KCND2: variants seen among roughly 807,000 people sequenced by gnomAD.
KCND2 encodes A-type voltage-gated potassium channel KCND2.
A neutral mutation model predicts 54.4 loss-of-function variants in KCND2; 16 were observed. The observed-to-expected ratio is 0.29, with a 90% CI of 0.20 to 0.45. The LOEUF (loss-of-function observed/expected upper bound fraction) is 0.45. Among genes scored for constraint, KCND2 ranks in the 20% least tolerant of loss-of-function variants. The pLI, the probability that KCND2 is intolerant of heterozygous loss-of-function variation, is 1.00. For missense variants in KCND2, 486 were observed against 824.2 expected, an observed-to-expected ratio of 0.59 and a Z score of 5.02; for synonymous variants, 317 against 310.7, an observed-to-expected ratio of 1.02 and a Z score of -0.21.
intron 1 of KCND2, among the ~76,000 whole-genome samples, chr7:120,331,536 A>G (rs1298715183): frequency 6.6e-6 from 1 of 152,046 alleles, no homozygotes; most frequent in African/African-American, 2.4e-5. Flanking sequence ...GAACTTGTGC[A>G]TGCATTATGT....
chr7:120,559,447 G>C (rs1248897123), intron 1 of KCND2, among the ~76,000 whole-genome samples: 1 of 152,168 alleles, frequency 6.6e-6, no homozygotes, highest in Non-Finnish European at 1.5e-5. Context: ...GCAGATGAGC[G>C]AAGCTTCTGA....
chr7:120,588,272 A>G (rs1584842198), intron 1 of KCND2, among the ~76,000 whole-genome samples: 2 of 152,296 alleles, frequency 1.3e-5, no homozygotes, highest in African/African-American at 2.4e-5. Context: ...TCTCATTTTA[A>G]CTGATATTTT....
chr7:120,475,989 C>G (rs1219576799), intron 1 of KCND2, among the ~76,000 whole-genome samples: 1 of 152,164 alleles, frequency 6.6e-6, no homozygotes, highest in East Asian at 1.9e-4. Context: ...TCATCATAAT[C>G]AATCCTTAAA....
chr7:120,713,557 G>T (rs1259069668), intron 1 of KCND2, among the ~76,000 whole-genome samples: 5 of 152,156 alleles, frequency 3.3e-5, no homozygotes, highest in Admixed American at 3.3e-4. Flanking sequence ...TCAGCAATCA[G>T]TAGCAGTAGG....
chr7:120,713,862 G>A (rs867357731), intron 1 of KCND2, among the ~76,000 whole-genome samples: 56 of 152,244 alleles, frequency 3.7e-4, no homozygotes, highest in Middle Eastern at 6.8e-3. Context: ...TGACATACTA[G>A]TCTTGTTTTG....
intron 1 of KCND2, among the ~76,000 whole-genome samples, chr7:120,658,027 A>C (rs1227139493): frequency 2.0e-5 from 3 of 152,226 alleles, no homozygotes; most frequent in Non-Finnish European, 2.9e-5. Context: ...AAATTTATTA[A>C]GAGAAGCTAA....
At chr7:120,562,606 G>T (rs1161578818) in intron 1 of KCND2, among the ~76,000 whole-genome samples, 1 of 152,058 alleles carries the variant, frequency 6.6e-6, no homozygotes, top group Non-Finnish European at 1.5e-5. Context: ...TTGTATAAAA[G>T]AGACTGCATC....
intron 1 of KCND2, among the ~76,000 whole-genome samples, chr7:120,380,435 G>A (rs1157950191): frequency 6.6e-6 from 1 of 151,726 alleles, no homozygotes; most frequent in Non-Finnish European, 1.5e-5. Context: ...TGACAACTGG[G>A]GACCTGAAGT....
At position 120,294,539 on chromosome 7, in the gene KCND2, GAAA is replaced by G. The variant is rs558773126; in HGVS notation, c.1115+18793_1115+18795del. ...GTATAATATAAAAAGTTATGATTAT[GAAA>G]TACATTTACATATTTATAAAGACAT... On this transcript the variant is annotated intron_variant, in intron 1 of 5. Coordinates refer to ENST00000331113, the MANE Select transcript of KCND2 (RefSeq NM_012281.3). 1.1e-4 allele frequency among the ~76,000 whole-genome samples: 16 copies of G among 151,708 alleles called. 1 individual carries two copies. In the South Asian group the frequency reaches 1.7e-3, roughly 16 times the overall value.
chr7:120,717,249 A>G (rs1792614533), intron 1 of KCND2, among the ~76,000 whole-genome samples: 1 of 152,068 alleles, frequency 6.6e-6, no homozygotes, highest in Non-Finnish European at 1.5e-5. Flanking sequence ...TGAAACCATG[A>G]CGATGTCAAT....
At chr7:120,426,118 A>G (rs1170397304) in intron 1 of KCND2, among the ~76,000 whole-genome samples, 2 of 152,142 alleles carry the variant, frequency 1.3e-5, no homozygotes, top group Admixed American at 6.5e-5. Context: ...TTGGAAGATC[A>G]CATAATTAAA....
At chr7:120,465,361 C>T (rs1210138851) in intron 1 of KCND2, among the ~76,000 whole-genome samples, 3 of 151,070 alleles carry the variant, frequency 2.0e-5, no homozygotes, top group African/African-American at 7.3e-5. Flanking sequence ...AGAATAAGCA[C>T]CGAGAAAAAA....
chr7:120,501,414 T>A (rs561355560), intron 1 of KCND2, among the ~76,000 whole-genome samples: 2 of 152,142 alleles, frequency 1.3e-5, no homozygotes, highest in Admixed American at 1.3e-4. Context: ...GTGATTGAGG[T>A]TCCTGAGCAA....
At chr7:120,349,548 C>A (rs778311993) in intron 1 of KCND2, among the ~76,000 whole-genome samples, 1 of 151,690 alleles carries the variant, frequency 6.6e-6, no homozygotes, top group Non-Finnish European at 1.5e-5. Flanking sequence ...ATTTTTTTTT[C>A]CTGGAGTAAA....
intron 1 of KCND2, among the ~76,000 whole-genome samples, chr7:120,587,061 A>G (rs1792609377): frequency 6.6e-6 from 1 of 152,180 alleles, no homozygotes; most frequent in Non-Finnish European, 1.5e-5. Context: ...GGACATGTAT[A>G]TTAAGTATAT....
intron 1 of KCND2, among the ~76,000 whole-genome samples, chr7:120,688,482 C>T (rs1792231445): frequency 1.3e-5 from 2 of 152,168 alleles, no homozygotes; most frequent in Admixed American, 1.3e-4. Context: ...GGACCAACTT[C>T]ACCCACGGTC....
chr7:120,361,055 G>A (rs1006659084), intron 1 of KCND2, among the ~76,000 whole-genome samples: 1 of 151,942 alleles, frequency 6.6e-6, no homozygotes, highest in African/African-American at 2.4e-5. Flanking sequence ...AAGACTTTCA[G>A]TACTGGTCCT....
chr7:120,619,766 A>G (rs1260898311), intron 1 of KCND2, among the ~76,000 whole-genome samples: 1 of 152,240 alleles, frequency 6.6e-6, no homozygotes, highest in Non-Finnish European at 1.5e-5. Flanking sequence ...GTCACATGAT[A>G]TGGTTCCTTA....
chr7:120,443,402 G>A (rs1329050174), intron 1 of KCND2, among the ~76,000 whole-genome samples: 5 of 150,292 alleles, frequency 3.3e-5, no homozygotes, highest in African/African-American at 9.8e-5. Flanking sequence ...ATTGCTTTAC[G>A]AGGGATAAAA....
Sources: gnomAD v4.1 joint callset for allele counts (sites outside exome capture counted in the v4.1 genomes callset) on GRCh38, gnomAD v4.1.1 for gene constraint, MANE v1.5 for transcripts, NCBI Gene and HGNC (gene_info 2026-07-23, HGNC 2026-07-21) for gene names.